Variants in LRPPRC observed in about 807,000 individuals in gnomAD.
The protein encoded by LRPPRC is leucine-rich PPR motif-containing protein, mitochondrial.
LRPPRC carries 120 observed loss-of-function variants against 180.3 expected under a neutral mutation model. That is an observed-to-expected ratio of 0.67 (90% CI 0.57 to 0.77). LRPPRC has a LOEUF of 0.77. Ranked by LOEUF, LRPPRC falls within the 30% of genes least tolerant of loss-of-function variation. The probability of loss-of-function intolerance (pLI) is 0.00; values close to 1 mark genes in which losing one functional copy is unlikely to be tolerated. For synonymous variants in LRPPRC, 723 were observed against 600.0 expected, an observed-to-expected ratio of 1.21 and a Z score of -3.00; for missense variants, 2,012 against 1,657.2, an observed-to-expected ratio of 1.21 and a Z score of -3.72.
intron 25 of LRPPRC, among the ~76,000 whole-genome samples, chr2:43,932,764 TTC>T (rs1672135810): frequency 6.6e-6 from 1 of 152,198 alleles, no homozygotes; most frequent in Non-Finnish European, 1.5e-5. Context: ...AGATATTATG[TTC>T]TCTTTTATAC....
chr2:43,942,701 C>T (rs910443154), intron 23 of LRPPRC, among the ~76,000 whole-genome samples: 8 of 151,912 alleles, frequency 5.3e-5, no homozygotes. Context: ...AACATGAGAA[C>T]CGTTAAAATA....
chr2:43,957,518 T>C, intron 13 of LRPPRC, 67 bp from the exon 14 acceptor site: 4 of 1,137,920 alleles, frequency 3.5e-6, no homozygotes, highest in Non-Finnish European at 5.3e-6. Flanking sequence ...TATTATCAAA[T>C]TGAAAACATA....
chr2:43,920,031 A>G (rs927963369), intron 27 of LRPPRC, among the ~76,000 whole-genome samples: 3 of 151,718 alleles, frequency 2.0e-5, no homozygotes, highest in Non-Finnish European at 4.4e-5. Context: ...AAAAAATTCA[A>G]AGAACAAAAA....
At chr2:43,922,631 C>T (rs1365642331) in intron 27 of LRPPRC, among the ~76,000 whole-genome samples, 6 of 152,170 alleles carry the variant, frequency 3.9e-5, no homozygotes, top group East Asian at 1.9e-4. Context: ...TGGTGGCGGG[C>T]GCCTGTAGTC....
chr2:43,986,004 CA>C (rs1169902700), intron 1 of LRPPRC, among the ~76,000 whole-genome samples: 1 of 152,196 alleles, frequency 6.6e-6, no homozygotes, highest in Non-Finnish European at 1.5e-5. Flanking sequence ...GGATTGTTGC[CA>C]TTCCGATAGT....
chr2:43,960,769 G>T (rs938594457), intron 12 of LRPPRC, 135 bp from the exon 13 acceptor site: 2 of 676,268 alleles, frequency 3.0e-6, no homozygotes, highest in Non-Finnish European at 5.3e-6. Context: ...CTCAGTAATT[G>T]AATTTTAGCA....
At position 43,913,301 on chromosome 2, in the gene LRPPRC, C is replaced by G. The variant is rs1572909450; in HGVS notation, c.3149-743G>C. On this transcript the variant is annotated intron_variant, in intron 29 of 37. Transcript: ENST00000260665. ...TGAAATAAAACTGCCTGGCTATAAA[C>G]AGCCAACTGAAACTACAATCTACTC... 2.0e-5 allele frequency among the ~76,000 whole-genome samples: 3 copies of G among 152,272 alleles called. No homozygotes were observed. The South Asian group carries it at 6.2e-4, about 32-fold the overall frequency.
intron 17 of LRPPRC, 99 bp downstream of exon 17, chr2:43,948,313 T>C (rs1672769290): frequency 1.1e-6 from 1 of 916,620 alleles, no homozygotes. Context: ...TTGCATGTCA[T>C]TGAGAAGTGG....
intron 23 of LRPPRC, among the ~76,000 whole-genome samples, chr2:43,936,796 C>T (rs181539667): frequency 1.7e-4 from 26 of 152,246 alleles, no homozygotes; most frequent in Non-Finnish European, 3.5e-4. Context: ...GACTAAATTA[C>T]AGGTTAATTT....
intron 31 of LRPPRC, chr2:43,903,005 C>A (rs1379562556): frequency 6.6e-6 from 1 of 152,096 alleles, no homozygotes; most frequent in African/African-American, 2.4e-5. Context: ...GATTAGTTTG[C>A]CCAAGGTAAA....
chr2:43,923,939 C>T (rs970447240), intron 27 of LRPPRC, among the ~76,000 whole-genome samples: 2 of 152,090 alleles, frequency 1.3e-5, no homozygotes, highest in Non-Finnish European at 2.9e-5. Flanking sequence ...GTTTTTAATT[C>T]TATACATTCA....
At chr2:43,953,106 C>T (rs957916768) in intron 14 of LRPPRC, among the ~76,000 whole-genome samples, 3 of 152,194 alleles carry the variant, frequency 2.0e-5, no homozygotes, top group African/African-American at 4.8e-5. Context: ...AAAACCCTTC[C>T]CTTCCCCTCT....
chr2:43,943,067 AGAT>A (rs1167382559), intron 23 of LRPPRC, among the ~76,000 whole-genome samples: 2 of 152,140 alleles, frequency 1.3e-5, no homozygotes, highest in African/African-American at 4.8e-5. Flanking sequence ...CAAAAGAAAA[AGAT>A]GATAAATTAC....
intron 14 of LRPPRC, among the ~76,000 whole-genome samples, chr2:43,951,664 A>G (rs1672907907): frequency 6.6e-6 from 1 of 152,200 alleles, no homozygotes; most frequent in Non-Finnish European, 1.5e-5. Flanking sequence ...GGAATGGTAA[A>G]ACAGGACTGC....
chr2:43,979,707 A>T (rs1287808475), intron 3 of LRPPRC, 119 bp downstream of exon 3: 6 of 800,974 alleles, frequency 7.5e-6, no homozygotes, highest in Non-Finnish European at 1.0e-5. Context: ...TCAAAAAATT[A>T]TGAATCAAGT....
intron 11 of LRPPRC, among the ~76,000 whole-genome samples, chr2:43,967,904 T>C (rs772338901): frequency 3.9e-5 from 6 of 152,174 alleles, no homozygotes; most frequent in Non-Finnish European, 7.4e-5. Context: ...CCCACTGTGC[T>C]CTTCTTTATA....
rs1558884356 is a variant in LRPPRC, at chr2:43,889,715, T to C, written c.4128+19A>G. On this transcript the variant is annotated intron_variant, in intron 37 of 37. Transcript: ENST00000260665. ...AAATCTGCAGAGGTATTTTTTCCCC[T>C]TAATTAAGAAATACTCACAGGGGGT... is the stretch of plus-strand genomic sequence containing the variant. The C allele has an allele frequency of 6.2e-7, 1 of 1,600,502 alleles. No individual in the cohort carries two copies. The highest frequency in any genetic ancestry group is 8.6e-7 in the Non-Finnish European group (1 of 1,167,692).
chr2:43,939,179 G>A (rs899776532), intron 23 of LRPPRC, among the ~76,000 whole-genome samples: 30 of 151,764 alleles, frequency 2.0e-4, no homozygotes, highest in African/African-American at 7.3e-4. Context: ...TACTCGGGAG[G>A]CTGAGGCAGG....
At chr2:43,996,196 G>A (rs560481424), upstream of LRPPRC, among the ~76,000 whole-genome samples, 1 of 152,282 alleles carries the variant, frequency 6.6e-6, no homozygotes, top group South Asian at 2.1e-4. Flanking sequence ...TTCCGTCTCC[G>A]ATCTGGGCAT....
Sources: gnomAD v4.1 joint callset for allele counts (sites outside exome capture counted in the v4.1 genomes callset) on GRCh38, gnomAD v4.1.1 for gene constraint, MANE v1.5 for transcripts, NCBI Gene and HGNC (gene_info 2026-07-23, HGNC 2026-07-21) for gene names.